Variants in SNAP91 observed in about 807,000 individuals in gnomAD.
SNAP91 encodes synaptosome associated protein 91.
Under a neutral mutation model 100.3 loss-of-function variants are expected in SNAP91, and 27 were observed. The observed-to-expected ratio is 0.27, with a 90% CI of 0.20 to 0.37. The LOEUF is 0.37. SNAP91 is among the 10% of genes least tolerant of loss of function. The pLI, the probability that SNAP91 is intolerant of heterozygous loss-of-function variation, is 1.00. For missense variants in SNAP91, 986 were observed against 1,123.7 expected, an observed-to-expected ratio of 0.88 and a Z score of 1.75; for synonymous variants, 404 against 398.6, an observed-to-expected ratio of 1.01 and a Z score of -0.16.
chr6:83,665,744 T>C (rs2098669294), intron 2 of SNAP91, among the ~76,000 whole-genome samples, 163 bp from the exon 3 acceptor site: 1 of 152,102 alleles, frequency 6.6e-6, no homozygotes, highest in African/African-American at 2.4e-5. Flanking sequence ...ATTTTACCCA[T>C]GGACATGTAC....
At chr6:83,650,943 T>TA (rs1428505214) in intron 7 of SNAP91, among the ~76,000 whole-genome samples, 1 of 152,232 alleles carries the variant, frequency 6.6e-6, no homozygotes, top group African/African-American at 2.4e-5. Context: ...CTTTAATAGA[T>TA]AGAGGCCTAT....
chr6:83,678,282 T>A (rs750619163), intron 2 of SNAP91, among the ~76,000 whole-genome samples: 3 of 152,140 alleles, frequency 2.0e-5, no homozygotes, highest in African/African-American at 7.2e-5. Flanking sequence ...CCAACACCGA[T>A]TGACCAGCCC....
intron 7 of SNAP91, among the ~76,000 whole-genome samples, 188 bp from the exon 8 acceptor site, chr6:83,641,390 TC>T (rs1297886989): frequency 3.3e-5 from 5 of 152,156 alleles, no homozygotes; most frequent in African/African-American, 1.2e-4. Flanking sequence ...AGTGTTATGT[TC>T]CAAGATAATC....
intron 2 of SNAP91, among the ~76,000 whole-genome samples, chr6:83,695,276 C>CAAAAAAAAAAAA (rs56103542): frequency 1.6e-4 from 11 of 67,318 alleles, no homozygotes; most frequent in East Asian, 4.6e-4. Context: ...GGCTCCATCT[C>CAAAAAAAAAAAA]AAAAAAAAAA....
At position 83,624,994 on chromosome 6, in the gene SNAP91, A is replaced by G. The variant is rs74316406; in HGVS notation, c.766-1652T>C. 9.4e-3 allele frequency among the ~76,000 whole-genome samples: 1,436 copies of G among 152,168 alleles called. 26 individuals are homozygous for G. The highest frequency in any genetic ancestry group is 0.032 in the African/African-American group (1,343 of 41,532). ...GGCTTCTACTAATGCTGTTACCCAG[A>G]TAGTGAACACAGTACCTAACAGGAA... On this transcript the variant is annotated intron_variant, in intron 8 of 29. Coordinates refer to ENST00000369694, the MANE Select transcript of SNAP91 (RefSeq NM_001242792.2).
At chr6:83,641,352 A>T (rs533528840) in intron 7 of SNAP91, 150 bp from the exon 8 acceptor site, 12 of 470,274 alleles carry the variant, frequency 2.6e-5, no homozygotes, top group African/African-American at 2.2e-4. Flanking sequence ...AGGCACCTAA[A>T]CAAAGGGAAC....
At chr6:83,674,761 GCTAT>G (rs372717147) in intron 2 of SNAP91, among the ~76,000 whole-genome samples, 16 of 152,256 alleles carry the variant, frequency 1.1e-4, no homozygotes, top group Non-Finnish European at 2.2e-4. Flanking sequence ...GGAGAAAGGG[GCTAT>G]CTTTTTCCCA....
intron 8 of SNAP91, among the ~76,000 whole-genome samples, chr6:83,630,582 T>C (rs1252524157): frequency 6.6e-6 from 1 of 152,086 alleles, no homozygotes; most frequent in Non-Finnish European, 1.5e-5. Context: ...GATTGTATCT[T>C]TCCAGAAATT....
chr6:83,619,263 T>C (rs1487671582), intron 9 of SNAP91, among the ~76,000 whole-genome samples: 2 of 152,072 alleles, frequency 1.3e-5, no homozygotes, highest in Non-Finnish European at 2.9e-5. Context: ...TATAAAAACA[T>C]GTAAAATCAA....
intron 2 of SNAP91, chr6:83,686,329 T>C (rs2099060013): frequency 4.0e-6 from 1 of 250,862 alleles, no homozygotes; most frequent in African/African-American, 2.3e-5. Context: ...GCTGATAATA[T>C]TTATATAACT....
chr6:83,665,934 G>A (rs1320738074), intron 2 of SNAP91, among the ~76,000 whole-genome samples: 1 of 152,030 alleles, frequency 6.6e-6, no homozygotes, highest in Non-Finnish European at 1.5e-5. Context: ...TAAGCACAAT[G>A]TCTCAAATGT....
At chr6:83,705,881 A>AATT (rs149745387) in intron 2 of SNAP91, among the ~76,000 whole-genome samples, 5,373 of 152,242 alleles carry the variant, frequency 0.035, 125 homozygotes, top group African/African-American at 0.064. Context: ...TTAATAATAT[A>AATT]AAGTTCAGTT....
At chr6:83,567,352 T>G (rs1798153835) in intron 26 of SNAP91, among the ~76,000 whole-genome samples, 2 of 152,278 alleles carry the variant, frequency 1.3e-5, no homozygotes, top group South Asian at 4.1e-4. Flanking sequence ...CAGGTCTTAA[T>G]TCAAGATGGA....
At position 83,592,365 on chromosome 6, in the gene SNAP91, G is replaced by T. The variant is rs2093881929; in HGVS notation, c.1930+90C>A. On this transcript the variant is annotated intron_variant, in intron 21 of 29. Coordinates refer to ENST00000369694, the MANE Select transcript of SNAP91 (RefSeq NM_001242792.2). ...GAGACAGAATTTTATATAGCCTAAA[G>T]AAAAAATGATGAAATATAATAAAAT... 5.5e-6 allele frequency: 5 copies of T among 915,332 alleles called. No individual in the cohort carries two copies. The East Asian group carries it at 1.1e-4, about 20-fold the overall frequency. 56.7% of individuals were successfully genotyped at this position (915,332 alleles called of 1,614,324 possible).
chr6:83,627,547 C>T (rs867814655), intron 8 of SNAP91, among the ~76,000 whole-genome samples: 1 of 151,946 alleles, frequency 6.6e-6, no homozygotes, highest in Non-Finnish European at 1.5e-5. Flanking sequence ...AGACCAATAA[C>T]GGAGTTTCAA....
At chr6:83,672,049 A>G (rs1051880674) in intron 2 of SNAP91, among the ~76,000 whole-genome samples, 1 of 152,152 alleles carries the variant, frequency 6.6e-6, no homozygotes, top group African/African-American at 2.4e-5. Flanking sequence ...TGTCTGAAGT[A>G]TGTACTTTAT....
At chr6:83,557,575 G>A (rs1002579451) in intron 28 of SNAP91, among the ~76,000 whole-genome samples, 3 of 152,058 alleles carry the variant, frequency 2.0e-5, no homozygotes, top group African/African-American at 7.2e-5. Context: ...TCGAGAGGCT[G>A]AGGTGAGAGG....
At chr6:83,633,957 G>A (rs535449085) in intron 8 of SNAP91, among the ~76,000 whole-genome samples, 29 of 151,930 alleles carry the variant, frequency 1.9e-4, no homozygotes, top group South Asian at 2.1e-4. Flanking sequence ...TGTTGTGGGT[G>A]GGGGGAGGGC....
chr6:83,698,776 G>A (rs12200465), intron 2 of SNAP91, among the ~76,000 whole-genome samples: 9,741 of 152,094 alleles, frequency 0.064, 319 homozygotes, highest in Middle Eastern at 0.085. Context: ...GAGTTCATGA[G>A]TTTGCAGATT....
Sources: allele counts gnomAD v4.1 joint callset (sites outside exome capture counted in the v4.1 genomes callset), GRCh38; gene constraint gnomAD v4.1.1; transcripts MANE v1.5; gene names NCBI Gene and HGNC (gene_info 2026-07-23, HGNC 2026-07-21).